ROBO2: variants seen among roughly 807,000 people sequenced by gnomAD.
ROBO2 encodes the protein roundabout homolog 2.
In ROBO2, 53 loss-of-function variants were observed where a neutral mutation model predicts 160.8. The ratio of observed to expected loss-of-function variants is 0.33; its 90% confidence interval spans 0.26 to 0.41. ROBO2 has a LOEUF of 0.41. ROBO2 is among the 10% of genes least tolerant of loss of function. ROBO2 has a pLI of 1.00. For missense variants in ROBO2, 1,577 were observed against 1,722.4 expected (o/e 0.92, Z 1.49); for synonymous variants, 664 against 611.7 (o/e 1.09, Z -1.26).
At chr3:76,200,782 G>C (rs1265662249) in intron 2 of ROBO2, among the ~76,000 whole-genome samples, 1 of 152,132 alleles carries the variant, frequency 6.6e-6, no homozygotes, top group Admixed American at 6.6e-5. Context: ...TTCAGATTCA[G>C]ATACTGTCTT....
intron 2 of ROBO2, among the ~76,000 whole-genome samples, chr3:76,834,063 T>C (rs371671648): frequency 0.12 from 686 of 5,750 alleles, 2 homozygotes; most frequent in African/African-American, 0.14. Flanking sequence ...CTTTCTTTCT[T>C]TTCTTTCTTT....
chr3:76,499,202 C>G (rs986286045), intron 2 of ROBO2, among the ~76,000 whole-genome samples: 4 of 152,276 alleles, frequency 2.6e-5, no homozygotes, highest in South Asian at 4.1e-4. Flanking sequence ...TGCCACTGTC[C>G]TTTCCCTCAA....
At chr3:76,728,595 C>A (rs2093587696) in intron 2 of ROBO2, among the ~76,000 whole-genome samples, 1 of 152,116 alleles carries the variant, frequency 6.6e-6, no homozygotes. Context: ...AACCATGATG[C>A]TAAAAACTCA....
Position 76,037,729 on chromosome 3 carries a change from A to G in ROBO2, c.109+100127A>G, listed in dbSNP as rs573184681. Among the ~76,000 whole-genome samples, 3 of 152,186 alleles carry G rather than the reference A, an allele frequency of 2.0e-5. No homozygotes were observed. The East Asian group carries it at 5.8e-4, about 29-fold the overall frequency. On this transcript the variant is annotated intron_variant, in intron 2 of 26. Coordinates refer to the ROBO2 transcript ENST00000487694. The stretch of plus-strand genomic sequence containing the variant: ...AGTCAAACAGGAGAAAAATATATGA[A>G]AGAAAAGAATAAAGTAAATAATTTT...
intron 2 of ROBO2, among the ~76,000 whole-genome samples, chr3:76,238,863 A>G (rs548089102): frequency 1.3e-5 from 2 of 152,340 alleles, no homozygotes; most frequent in East Asian, 3.9e-4. Flanking sequence ...GCCTAACCAT[A>G]TCACTGACTA....
At chr3:77,307,175 G>T (rs968977336) in intron 2 of ROBO2, among the ~76,000 whole-genome samples, 2 of 152,122 alleles carry the variant, frequency 1.3e-5, no homozygotes, top group African/African-American at 2.4e-5. Flanking sequence ...ATGCATCCTG[G>T]CCTCGTTAAT....
At chr3:77,394,338 C>T (rs996677954) in intron 2 of ROBO2, among the ~76,000 whole-genome samples, 6 of 151,886 alleles carry the variant, frequency 4.0e-5, no homozygotes, top group African/African-American at 9.7e-5. Flanking sequence ...GTTGGCTGGT[C>T]GCCTCCCTAT....
intron 2 of ROBO2, among the ~76,000 whole-genome samples, chr3:75,943,842 AG>A (rs1948161976): frequency 6.6e-6 from 1 of 151,906 alleles, no homozygotes; most frequent in Non-Finnish European, 1.5e-5. Flanking sequence ...CTGGGATTAC[AG>A]GTATGCATCA....
intron 5 of ROBO2, among the ~76,000 whole-genome samples, chr3:77,502,752 C>T (rs11923664): frequency 0.031 from 4,778 of 152,118 alleles, 241 homozygotes; most frequent in African/African-American, 0.11. Flanking sequence ...TGATAATCTA[C>T]GATGATTTAA....
At chr3:76,910,657 C>A (rs551162123) in intron 2 of ROBO2, among the ~76,000 whole-genome samples, 31 of 129,334 alleles carry the variant, frequency 2.4e-4, no homozygotes, top group Non-Finnish European at 4.4e-4. Flanking sequence ...ACCCAGCAGG[C>A]GGAGGTTGCA....
At position 76,693,517 on chromosome 3, in the gene ROBO2, G is replaced by C. The variant is rs184927177; in HGVS notation, c.110-404497G>C. 1.0e-3 allele frequency among the ~76,000 whole-genome samples: 154 copies of C among 151,518 alleles called. 1 individual carries two copies. The highest frequency in any genetic ancestry group is 3.7e-3 in the African/African-American group (151 of 41,218). On this transcript the variant is annotated intron_variant, in intron 2 of 26. Coordinates refer to the ROBO2 transcript ENST00000487694. ...TACATATATAGATGAAATTCTTTGT[G>C]GAAATTTATTGTGAAAATTGGCTCA...
chr3:75,930,017 T>C (rs6778629), intron 1 of ROBO2, among the ~76,000 whole-genome samples: 13,377 of 152,264 alleles, frequency 0.088, 1,914 homozygotes, highest in African/African-American at 0.29. Flanking sequence ...TTTAAGGCTT[T>C]AGATCTTTTG....
intron 2 of ROBO2, chr3:75,937,750 C>A: frequency 2.6e-6 from 1 of 387,090 alleles, no homozygotes; most frequent in South Asian, 9.6e-5. Context: ...TGCCTCTGCA[C>A]CAGTTAAATT....
At chr3:76,794,099 G>A (rs187060499) in intron 2 of ROBO2, among the ~76,000 whole-genome samples, 2 of 151,900 alleles carry the variant, frequency 1.3e-5, no homozygotes, top group African/African-American at 4.8e-5. Context: ...CTTAAACAGC[G>A]AAAAGTTTCA....
intron 2 of ROBO2, among the ~76,000 whole-genome samples, chr3:76,427,428 A>G (rs1470751582): frequency 6.6e-6 from 1 of 152,086 alleles, no homozygotes; most frequent in Non-Finnish European, 1.5e-5. Context: ...GGGTTCCTGG[A>G]TGCACTTTAA....
chr3:77,116,544 C>A (rs571873894), intron 2 of ROBO2, among the ~76,000 whole-genome samples: 1 of 149,722 alleles, frequency 6.7e-6, no homozygotes, highest in East Asian at 1.9e-4. Context: ...GTGTTACTTG[C>A]CATTAAACTT....
intron 2 of ROBO2, among the ~76,000 whole-genome samples, chr3:76,941,174 T>C (rs2149111106): frequency 6.6e-6 from 1 of 152,230 alleles, no homozygotes; most frequent in East Asian, 1.9e-4. Flanking sequence ...TTTTTTTTGA[T>C]GGATTCTTTC....
At chr3:76,136,535 G>T (rs187302905) in intron 2 of ROBO2, among the ~76,000 whole-genome samples, 1 of 152,048 alleles carries the variant, frequency 6.6e-6, no homozygotes, top group Non-Finnish European at 1.5e-5. Flanking sequence ...TGTCTAAAAT[G>T]TTGCCAACAG....
rs758660976 is a variant in ROBO2 at position 77,617,497 on chromosome 3, T to G, written c.3294-16T>G. 12 of 1,614,056 alleles carry G rather than the reference T, an allele frequency of 7.4e-6. No individual in the cohort carries two copies. The South Asian group carries it at 1.3e-4, about 18-fold the overall frequency. On this transcript the variant is annotated splice_polypyrimidine_tract_variant and intron_variant, in intron 21 of 25. Transcript: ENST00000461745. ...GTATTTGTGTCAATGTGCATATTTT[T>G]CTCATTTAATTTCAGCTATGACAGT...
Sources: gnomAD v4.1 joint callset for allele counts (sites outside exome capture counted in the v4.1 genomes callset) on GRCh38, gnomAD v4.1.1 for gene constraint, MANE v1.5 for transcripts, NCBI Gene and HGNC (gene_info 2026-07-23, HGNC 2026-07-21) for gene names.